DNAJC16: variants seen among roughly 807,000 people sequenced by gnomAD.
DNAJC16 encodes the protein dnaJ homolog subfamily C member 16.
Under a neutral mutation model 92.7 loss-of-function variants are expected in DNAJC16, and 76 were observed. The observed-to-expected ratio is 0.82, with a 90% CI of 0.68 to 0.99. The LOEUF (loss-of-function observed/expected upper bound fraction) is 0.99, where lower values mean the gene tolerates loss of function less well. Among genes scored for constraint, DNAJC16 ranks in the 50% least tolerant of loss-of-function variants. The probability of loss-of-function intolerance (pLI) is 0.00; values close to 1 mark genes in which losing one functional copy is unlikely to be tolerated. For synonymous variants in DNAJC16, 328 were observed against 358.7 expected, an observed-to-expected ratio of 0.91 and a Z score of 0.97; for missense variants, 869 against 942.4, an observed-to-expected ratio of 0.92 and a Z score of 1.02.
chr1:15,561,989 A>C (rs1638702002), intron 8 of DNAJC16, among the ~76,000 whole-genome samples, 153 bp from the exon 9 acceptor site: 1 of 152,144 alleles, frequency 6.6e-6, no homozygotes. Flanking sequence ...TGACTTGGAA[A>C]TCCTCCCTTA....
chr1:15,566,139 G>A lies in DNAJC16; in HGVS notation c.1737G>A (p.Lys579=). Residue 579 remains lysine (K), a synonymous_variant, in exon 13 of 15, where the codon AAG becomes AAA. Coordinates refer to ENST00000375847, the MANE Select transcript of DNAJC16 (RefSeq NM_015291.4). The part of the protein sequence containing the change: ...SPPEKEEAQE[K]TGKTEPSFTK... ...CAGAAAAAGAGGAAGCCCAAGAGAA[G>A]ACTGGGAAAACTGAGCCAAGCTTCA... The A allele has an allele frequency of 6.2e-7, 1 of 1,614,022 alleles. No homozygotes were observed. Among genetic ancestry groups the A allele is most frequent in the Non-Finnish European group, 8.5e-7 (1 of 1,180,010 alleles).
At position 15,546,852 on chromosome 1, in the gene DNAJC16, TTG is replaced by T; in HGVS notation, c.848_849del (p.Val283AlafsTer47). On this transcript the variant is annotated frameshift_variant, in exon 6 of 15. Transcript: ENST00000375847. LOFTEE classifies it high-confidence loss of function. ...GTCCTTCTGTTTGACCAAACGCCCA[TTG>T]TGCCACTGTTATACAAGGTACTTTC... 1 of 1,613,252 alleles carries T rather than the reference TTG, an allele frequency of 6.2e-7. No homozygotes were observed. The highest frequency in any genetic ancestry group is 8.5e-7 in the Non-Finnish European group (1 of 1,179,508).
At position 15,564,188 on chromosome 1, in the gene DNAJC16, AGAGCAGAG is replaced by A. The variant is rs1570930845; in HGVS notation, c.1521+79_1521+86del. 148 of 1,571,360 alleles carry A rather than the reference AGAGCAGAG, an allele frequency of 9.4e-5. No homozygotes were observed. In the East Asian group the frequency reaches 3.3e-3, roughly 35 times the overall value. On this transcript the variant is annotated intron_variant, in intron 10 of 14. Transcript: ENST00000375847. ...CAGTGCTGGTGGCGGATTTCTGCTC[AGAGCAGAG>A]GTCCAGCAGCAGCACTGTGTTGCAG...
chr1:15,568,139 C>A lies in DNAJC16; in HGVS notation c.2311C>A (p.Gln771Lys), dbSNP rs201771992. 6.2e-6 allele frequency: 10 copies of A among 1,613,858 alleles called. No homozygotes were observed. The highest frequency in any genetic ancestry group is 8.5e-6 in the Non-Finnish European group (10 of 1,179,922). ...GGAACGCCTGCTGGAGGGCTCCTTA[C>A]AGAGGTTTTATATCCCATCATGGCC... ...WMERLLEGSL[Q>K]RFYIPSWPEL... is the part of the protein sequence containing the mutation. The change falls in exon 15 of 15, where the codon CAG (glutamine) becomes AAG (lysine). Residue 771 changes from glutamine (Q) to lysine (K), a missense_variant. By Grantham distance (53) the Gln-to-Lys change is moderately conservative. Transcript: ENST00000375847.
chr1:15,544,651 C>T, intron 5 of DNAJC16, 68 bp downstream of exon 5: 4 of 1,506,540 alleles, frequency 2.7e-6, no homozygotes, highest in Non-Finnish European at 3.6e-6. Flanking sequence ...GTTAATTGCC[C>T]AGAACATTTT....
Position 15,567,954 on chromosome 1 carries a change from G to A in DNAJC16, c.2126G>A (p.Cys709Tyr), listed in dbSNP as rs772987766. 4 of 1,614,210 alleles carry A rather than the reference G, an allele frequency of 2.5e-6. No individual in the cohort carries two copies. The highest frequency in any genetic ancestry group is 2.5e-6 in the Non-Finnish European group (3 of 1,180,040). ...CTGAATGGCCACAAGAAATACTTCT[G>A]CCTCTTCAAGCCCCAAAAGACAGTC... ...LALNGHKKYFCLFKPQKTVEE... is the reference protein window; with the variant it reads ...LALNGHKKYFYLFKPQKTVEE... Residue 709 changes from cysteine (C) to tyrosine (Y), a missense_variant, in exon 15 of 15, where the codon TGC (cysteine) becomes TAC (tyrosine). Cys to Tyr is a radical substitution (Grantham distance 194). Coordinates refer to ENST00000375847, the MANE Select transcript of DNAJC16 (RefSeq NM_015291.4).
At chr1:15,531,435 A>G (rs1042177725) in intron 2 of DNAJC16, among the ~76,000 whole-genome samples, 1 of 152,242 alleles carries the variant, frequency 6.6e-6, no homozygotes, top group Non-Finnish European at 1.5e-5. Context: ...CTTTATACCA[A>G]GGTTATGTTC....
chr1:15,540,391 T>C (rs1327159424), intron 4 of DNAJC16, among the ~76,000 whole-genome samples: 1 of 152,176 alleles, frequency 6.6e-6, no homozygotes, highest in Non-Finnish European at 1.5e-5. Context: ...CTTTATTCTA[T>C]TTCTCCAACC....
chr1:15,561,790 G>GTAATCCCAAT (rs2103425358), intron 8 of DNAJC16, among the ~76,000 whole-genome samples: 1 of 152,208 alleles, frequency 6.6e-6, no homozygotes, highest in East Asian at 1.9e-4. Flanking sequence ...CACTTTGGGA[G>GTAATCCCAAT]CCTGAGGTAG....
intron 6 of DNAJC16, 75 bp downstream of exon 6, chr1:15,546,946 A>G: frequency 3.5e-6 from 4 of 1,133,996 alleles, no homozygotes; most frequent in Non-Finnish European, 5.0e-6. Context: ...GCAGAAAGTA[A>G]TCTCTGAGTT....
chr1:15,554,839 G>A (rs1192908086), intron 7 of DNAJC16, among the ~76,000 whole-genome samples: 2 of 152,010 alleles, frequency 1.3e-5, no homozygotes, highest in Non-Finnish European at 2.9e-5. Flanking sequence ...TCATGATCTT[G>A]ATATAGGGGA....
chr1:15,535,723 C>CT (rs1399652238), intron 3 of DNAJC16, among the ~76,000 whole-genome samples: 1 of 151,940 alleles, frequency 6.6e-6, no homozygotes, highest in Non-Finnish European at 1.5e-5. Context: ...GAGTGAGACT[C>CT]TATCTCGAAA....
chr1:15,553,755 T>C (rs1344076130), intron 7 of DNAJC16, among the ~76,000 whole-genome samples: 1 of 152,162 alleles, frequency 6.6e-6, no homozygotes, highest in Non-Finnish European at 1.5e-5. Flanking sequence ...GTCAGCACTA[T>C]CCTGTTTTCT....
intron 7 of DNAJC16, among the ~76,000 whole-genome samples, chr1:15,551,319 G>A (rs1236666206): frequency 1.3e-5 from 2 of 152,226 alleles, no homozygotes; most frequent in Non-Finnish European, 2.9e-5. Context: ...GAGTACAAAT[G>A]TCCTGAGGAC....
At position 15,546,954 on chromosome 1, in the gene DNAJC16, G is replaced by A. The variant is rs1570912817; in HGVS notation, c.864+83G>A. ...TTTTTTAGCAGAAAGTAATCTCTGA[G>A]TTGGAACTTATAGCCTATTTGTCTT... On this transcript the variant is annotated intron_variant, in intron 6 of 14. Transcript: ENST00000375847. The A allele has an allele frequency of 9.5e-6, 10 of 1,055,704 alleles. No individual in the cohort carries two copies. In the South Asian group the frequency reaches 1.2e-4, roughly 13 times the overall value. 65.4% of individuals were successfully genotyped at this position (1,055,704 alleles called of 1,614,324 possible).
At position 15,536,549 on chromosome 1, in the gene DNAJC16, G is replaced by A. The variant is rs1710791743; in HGVS notation, c.309G>A (p.Lys103=). 1 of 1,614,164 alleles carries A rather than the reference G, an allele frequency of 6.2e-7. No individual in the cohort carries two copies. Among genetic ancestry groups the A allele is most frequent in the Non-Finnish European group, 8.5e-7 (1 of 1,180,026 alleles). The change falls in exon 4 of 15, where the codon AAG becomes AAA. Residue 103 remains lysine (K), a synonymous_variant. Transcript: ENST00000375847. ...CTGGAGAGAACCAGGGCTACCAGAAGCAGCAACAGCAGCGAGAGTATCGCT... is the reference window on the plus strand; with the variant it reads ...CTGGAGAGAACCAGGGCTACCAGAAACAGCAACAGCAGCGAGAGTATCGCT... The part of the protein sequence containing the change: ...GDAGENQGYQ[K]QQQQREYRFR...
intron 7 of DNAJC16, among the ~76,000 whole-genome samples, chr1:15,557,102 A>G (rs1638586380): frequency 6.6e-6 from 1 of 152,242 alleles, no homozygotes; most frequent in African/African-American, 2.4e-5. Flanking sequence ...CATTTTGCTT[A>G]GGACTTTGAC....
chr1:15,545,182 A>G (rs1021117807), intron 5 of DNAJC16, among the ~76,000 whole-genome samples: 3 of 152,142 alleles, frequency 2.0e-5, no homozygotes, highest in African/African-American at 7.2e-5. Context: ...GTTTTTTTCA[A>G]TATCTTAATT....
chr1:15,540,144 G>T (rs1710899065), intron 4 of DNAJC16, among the ~76,000 whole-genome samples: 1 of 152,002 alleles, frequency 6.6e-6, no homozygotes, highest in Non-Finnish European at 1.5e-5. Flanking sequence ...TGACCAATGT[G>T]GTAAAATCCT....
Sources: gnomAD v4.1 joint callset for allele counts (sites outside exome capture counted in the v4.1 genomes callset) on GRCh38, gnomAD v4.1.1 for gene constraint, MANE v1.5 for transcripts, NCBI Gene and HGNC (gene_info 2026-07-23, HGNC 2026-07-21) for gene names.